The following MCTP1 variants were observed in gnomAD, a reference collection of about 807,000 sequenced individuals.
MCTP1 encodes multiple C2 and transmembrane domain-containing protein 1.
A neutral mutation model predicts 120.6 loss-of-function variants in MCTP1; 69 were observed. The ratio of observed to expected loss-of-function variants is 0.57; its 90% CI spans 0.47 to 0.70. MCTP1 has a LOEUF of 0.70. Among genes scored for constraint, MCTP1 ranks in the 30% least tolerant of loss-of-function variants. MCTP1 has a pLI of 0.00. For synonymous variants in MCTP1, 529 were observed against 493.1 expected, an observed-to-expected ratio of 1.07 and a Z score of -0.96; for missense variants, 1,203 against 1,248.8, an observed-to-expected ratio of 0.96 and a Z score of 0.55.
At chr5:95,126,872 T>C (rs560770263) in intron 1 of MCTP1, among the ~76,000 whole-genome samples, 84 of 152,280 alleles carry the variant, frequency 5.5e-4, no homozygotes, top group African/African-American at 2.0e-3. Context: ...AGAAAAAATA[T>C]GTAATATAAA....
chr5:95,232,551 C>G (rs1461218952), intron 1 of MCTP1, among the ~76,000 whole-genome samples: 1 of 151,528 alleles, frequency 6.6e-6, no homozygotes, highest in Admixed American at 6.6e-5. Context: ...CTCCGCCTCC[C>G]AGGTTCATGC....
At chr5:95,013,709 T>C (rs1485867912) in intron 2 of MCTP1, among the ~76,000 whole-genome samples, 1 of 152,102 alleles carries the variant, frequency 6.6e-6, no homozygotes, top group Non-Finnish European at 1.5e-5. Flanking sequence ...TTTTAAAATA[T>C]TACTGCTTAT....
intron 1 of MCTP1, among the ~76,000 whole-genome samples, chr5:95,122,961 G>A (rs1292719554): frequency 3.9e-5 from 6 of 152,098 alleles, no homozygotes; most frequent in East Asian, 1.9e-4. Flanking sequence ...GTAGAAGGGC[G>A]GTTACCAGAG....
rs186958796 is a variant in MCTP1, at chr5:94,827,750, T to C, written c.2437-28618A>G. On this transcript the variant is annotated intron_variant, in intron 17 of 22. Coordinates refer to ENST00000515393, the MANE Select transcript of MCTP1 (RefSeq NM_024717.7). ...CTCTGATATCCTTTCTTCTGCTTGA[T>C]TGGTTTTGGGATTGATACTTGTGTA... is the stretch of plus-strand genomic sequence containing the variant. Among the ~76,000 whole-genome samples, 173 of 151,810 alleles carry C rather than the reference T, an allele frequency of 1.1e-3. 1 individual carries two copies. Among genetic ancestry groups the C allele is most frequent in the African/African-American group, 4.0e-3 (166 of 41,408 alleles).
chr5:95,250,849 A>G lies in MCTP1; in HGVS notation c.720+33007T>C, dbSNP rs568526744. 3.9e-5 allele frequency among the ~76,000 whole-genome samples: 6 copies of G among 152,328 alleles called. No individual in the cohort carries two copies. In the South Asian group the frequency reaches 1.0e-3, roughly 26 times the overall value. On this transcript the variant is annotated intron_variant, in intron 1 of 22. Coordinates refer to ENST00000515393, the MANE Select transcript of MCTP1 (RefSeq NM_024717.7). Reference sequence around the variant, plus strand: ...TAACACTACTAATAGGTAGGCTTACATGGAAAATGCTGAATCTCCTCAGTA... The same window carrying G: ...TAACACTACTAATAGGTAGGCTTACGTGGAAAATGCTGAATCTCCTCAGTA...
At chr5:94,939,078 G>A (rs892913378) in intron 5 of MCTP1, among the ~76,000 whole-genome samples, 8 of 151,974 alleles carry the variant, frequency 5.3e-5, no homozygotes, top group Admixed American at 1.3e-4. Flanking sequence ...ATATGTAAAC[G>A]TATGTGTTCA....
At chr5:95,234,037 A>C (rs1755262837) in intron 1 of MCTP1, among the ~76,000 whole-genome samples, 1 of 152,010 alleles carries the variant, frequency 6.6e-6, no homozygotes, top group South Asian at 2.1e-4. Context: ...AAAAGAGAGA[A>C]GACACAAATT....
chr5:94,883,867 C>A (rs563652758), intron 12 of MCTP1, among the ~76,000 whole-genome samples: 2 of 152,258 alleles, frequency 1.3e-5, no homozygotes, highest in South Asian at 4.1e-4. Context: ...CGTAACCCAC[C>A]AAAAGTTAAT....
intron 8 of MCTP1, among the ~76,000 whole-genome samples, 188 bp from the exon 9 acceptor site, chr5:94,913,164 A>G (rs1809210948): frequency 6.6e-6 from 1 of 152,032 alleles, no homozygotes; most frequent in Admixed American, 6.5e-5. Context: ...TTATCATTTC[A>G]TGATAAATTC....
At chr5:95,264,888 G>A (rs1284241326) in intron 1 of MCTP1, among the ~76,000 whole-genome samples, 6 of 152,154 alleles carry the variant, frequency 3.9e-5, no homozygotes, top group Non-Finnish European at 5.9e-5. Context: ...AAGAAAGGTG[G>A]CAGGGGGTGG....
At chr5:95,023,756 C>A (rs1356694469) in intron 1 of MCTP1, among the ~76,000 whole-genome samples, 2 of 152,102 alleles carry the variant, frequency 1.3e-5, no homozygotes, top group Admixed American at 6.5e-5. Context: ...CATGAAGCTT[C>A]CAAACATAAA....
At chr5:94,781,069 A>AT (rs1186629265) in intron 18 of MCTP1, among the ~76,000 whole-genome samples, 2 of 151,874 alleles carry the variant, frequency 1.3e-5, no homozygotes, top group African/African-American at 4.8e-5. Context: ...CACTTGTAAG[A>AT]TTTTCTGAAA....
Position 95,000,372 on chromosome 5 carries a change from T to C in MCTP1, c.838+16995A>G, listed in dbSNP as rs139958010. Among the ~76,000 whole-genome samples the C allele has an allele frequency of 3.9e-5, 6 of 152,236 alleles. 1 individual carries two copies. The East Asian group carries it at 9.6e-4, about 24-fold the overall frequency. On this transcript the variant is annotated intron_variant, in intron 2 of 22. Transcript: ENST00000515393. The stretch of plus-strand genomic sequence containing the variant: ...AAAAAAAAAGTTAACTGCAAAACAG[T>C]CTCAGGCAGGTCCTTCAGGAGGTAT...
chr5:95,007,507 G>T (rs1051909123), intron 2 of MCTP1, among the ~76,000 whole-genome samples: 4 of 152,104 alleles, frequency 2.6e-5, no homozygotes, highest in Non-Finnish European at 5.9e-5. Flanking sequence ...CTCAATCAGA[G>T]AATAACTCTC....
chr5:95,161,971 TGA>T (rs1021596187), intron 1 of MCTP1, among the ~76,000 whole-genome samples: 10 of 152,184 alleles, frequency 6.6e-5, no homozygotes, highest in Non-Finnish European at 1.2e-4. Context: ...ATGTTAACTT[TGA>T]GACTCCTGTC....
At chr5:94,997,418 C>A (rs1056393872) in intron 2 of MCTP1, among the ~76,000 whole-genome samples, 3 of 152,200 alleles carry the variant, frequency 2.0e-5, no homozygotes, top group Non-Finnish European at 2.9e-5. Context: ...ATCACCATGG[C>A]TAGACTGACT....
At chr5:94,808,653 G>T (rs1213760747) in intron 17 of MCTP1, among the ~76,000 whole-genome samples, 1 of 151,820 alleles carries the variant, frequency 6.6e-6, no homozygotes, top group East Asian at 1.9e-4. Flanking sequence ...TATGTGTAGA[G>T]GAAAAAAAAT....
intron 6 of MCTP1, among the ~76,000 whole-genome samples, chr5:94,927,751 T>C (rs1233312568): frequency 6.6e-6 from 1 of 152,188 alleles, no homozygotes; most frequent in Admixed American, 6.5e-5. Flanking sequence ...TAATGTGTCA[T>C]CCAAGGTGTC....
At chr5:94,858,610 T>A (rs976378112) in intron 17 of MCTP1, among the ~76,000 whole-genome samples, 1 of 151,606 alleles carries the variant, frequency 6.6e-6, no homozygotes, top group Non-Finnish European at 1.5e-5. Context: ...TCACCTTTCT[T>A]CTCATTGTTG....
Sources: gnomAD v4.1 joint callset for allele counts (sites outside exome capture counted in the v4.1 genomes callset) on GRCh38, gnomAD v4.1.1 for gene constraint, MANE v1.5 for transcripts, NCBI Gene and HGNC (gene_info 2026-07-23, HGNC 2026-07-21) for gene names.